GSK3B: variants seen among roughly 807,000 people sequenced by gnomAD.
GSK3B encodes the protein glycogen synthase kinase 3 beta.
In GSK3B, 15 loss-of-function variants were observed where a neutral mutation model predicts 56.4. The ratio of observed to expected loss-of-function variants is 0.27; its 90% confidence interval spans 0.18 to 0.41. The LOEUF is 0.41. Ranked by LOEUF, GSK3B falls within the 10% of genes least tolerant of loss-of-function variation. The probability of loss-of-function intolerance (pLI) is 1.00; values close to 1 mark genes in which losing one functional copy is unlikely to be tolerated. For synonymous variants in GSK3B, 181 were observed against 188.9 expected, an observed-to-expected ratio of 0.96 and a Z score of 0.34; for missense variants, 300 against 513.4, an observed-to-expected ratio of 0.58 and a Z score of 4.02.
intron 3 of GSK3B, among the ~76,000 whole-genome samples, chr3:119,924,954 GTC>G (rs2056876499): frequency 6.6e-6 from 1 of 152,170 alleles, no homozygotes; most frequent in South Asian, 2.1e-4. Flanking sequence ...CCCAGTCCAT[GTC>G]TACGACCAAA....
intron 3 of GSK3B, among the ~76,000 whole-genome samples, chr3:119,927,422 T>A (rs1377439239): frequency 6.6e-6 from 1 of 152,082 alleles, no homozygotes; most frequent in Non-Finnish European, 1.5e-5. Flanking sequence ...GGACTTTTTT[T>A]AAAGCAGCGG....
chr3:120,079,349 C>CAT (rs2058396786), intron 1 of GSK3B, among the ~76,000 whole-genome samples: 2 of 97,782 alleles, frequency 2.0e-5, no homozygotes, highest in South Asian at 7.6e-4. Context: ...CACACACACA[C>CAT]ATTTTTTTTT....
intron 1 of GSK3B, among the ~76,000 whole-genome samples, chr3:120,049,007 T>C (rs1317325078): frequency 2.0e-5 from 3 of 152,228 alleles, no homozygotes; most frequent in Admixed American, 6.5e-5. Flanking sequence ...GAAAAGTTAG[T>C]AGCTAAGGCA....
In GSK3B at chr3:119,823,646, C is replaced by T. The variant is rs551051319; in HGVS notation, c.*3142G>A. ...CCAGCTCTAGGGCTCCCTGGTGCTA[C>T]ACTAAGTCCCTGAATGGACTAAGTA... On this transcript the variant is annotated 3_prime_UTR_variant, in exon 11 of 11. Transcript: ENST00000264235. The T allele has an allele frequency of 5.6e-4, 103 of 183,062 alleles. 1 individual carries two copies. The South Asian group carries it at 0.02, about 35-fold the overall frequency. The allele number at this position is 183,062 out of a possible 1,614,324, so 11.3% of individuals were successfully genotyped here. A position where few individuals can be genotyped will look rare whatever the true frequency, so the allele number is the denominator to read the frequency against.
At chr3:119,860,783 T>C (rs1237950320) in intron 9 of GSK3B, among the ~76,000 whole-genome samples, 1 of 152,240 alleles carries the variant, frequency 6.6e-6, no homozygotes, top group Non-Finnish European at 1.5e-5. Context: ...TATGAATTAA[T>C]GAATATTATG....
At chr3:119,954,638 T>A (rs1015681122) in intron 2 of GSK3B, among the ~76,000 whole-genome samples, 2 of 152,192 alleles carry the variant, frequency 1.3e-5, no homozygotes, top group African/African-American at 4.8e-5. Context: ...ATAAGCATAA[T>A]ATCAGTATTT....
rs1288667056 is a variant in GSK3B at position 119,863,594 on chromosome 3, G to A, written c.921C>T (p.Pro307=). 6.2e-7 allele frequency: 1 copy of A among 1,608,606 alleles called. No homozygotes were observed. Among genetic ancestry groups the A allele is most frequent in the Non-Finnish European group, 8.5e-7 (1 of 1,175,496 alleles). Residue 307 remains proline, a synonymous_variant, in exon 9 of 11, where the codon CCC becomes CCT. Transcript: ENST00000264235. ...GTGCAATTGCCTCCGGTGGAGTTCG[G>A]GGTCGGAAGACCTGCAGTACAAAAA... is the stretch of plus-strand genomic sequence containing the variant. ...KAHPWTKVFR[P]RTPPEAIALC...
intron 8 of GSK3B, among the ~76,000 whole-genome samples, chr3:119,874,327 A>C (rs2056282614): frequency 6.6e-6 from 1 of 152,158 alleles, no homozygotes; most frequent in African/African-American, 2.4e-5. Flanking sequence ...CAGTGATAAA[A>C]GCTTACTTCA....
intron 1 of GSK3B, chr3:120,029,557 C>G: frequency 1.7e-6 from 1 of 605,232 alleles, no homozygotes; most frequent in East Asian, 3.6e-5. Flanking sequence ...CTTGGTGCAT[C>G]TGGCACCATC....
At chr3:119,972,014 G>A (rs1219976582) in intron 2 of GSK3B, among the ~76,000 whole-genome samples, 1 of 152,148 alleles carries the variant, frequency 6.6e-6, no homozygotes, top group Non-Finnish European at 1.5e-5. Flanking sequence ...CTCCAGAACT[G>A]TAAGAAATAA....
At chr3:119,895,328 T>C (rs2056550354) in intron 7 of GSK3B, among the ~76,000 whole-genome samples, 1 of 152,174 alleles carries the variant, frequency 6.6e-6, no homozygotes, top group African/African-American at 2.4e-5. Flanking sequence ...CTTCCGTTCA[T>C]CCACTGATAG....
chr3:119,861,910 T>C (rs930480801), intron 9 of GSK3B, among the ~76,000 whole-genome samples: 2 of 152,102 alleles, frequency 1.3e-5, no homozygotes, highest in Non-Finnish European at 2.9e-5. Flanking sequence ...TCACTGATAC[T>C]CACAGAATCA....
At chr3:119,964,081 G>A (rs1269078528) in intron 2 of GSK3B, among the ~76,000 whole-genome samples, 2 of 152,082 alleles carry the variant, frequency 1.3e-5, no homozygotes, top group East Asian at 3.8e-4. Flanking sequence ...CCTATGGAAT[G>A]GAAGAAAATA....
chr3:120,076,708 G>C (rs1192327734), intron 1 of GSK3B, among the ~76,000 whole-genome samples: 2 of 151,088 alleles, frequency 1.3e-5, no homozygotes, highest in African/African-American at 2.4e-5. Context: ...CAGCTACACG[G>C]GAGGCTGAGG....
At chr3:120,001,944 A>C (rs999141456) in intron 2 of GSK3B, 102 bp downstream of exon 2, 30 of 733,546 alleles carry the variant, frequency 4.1e-5, no homozygotes. Flanking sequence ...AAATGCGCAC[A>C]ATAGAAGAAA....
intron 2 of GSK3B, among the ~76,000 whole-genome samples, chr3:119,966,545 A>G (rs1199119827): frequency 6.6e-6 from 1 of 152,226 alleles, no homozygotes; most frequent in East Asian, 1.9e-4. Context: ...GATGGAAAAG[A>G]GGCACAGGCA....
At chr3:119,909,885 A>G (rs2056718812) in intron 6 of GSK3B, among the ~76,000 whole-genome samples, 1 of 152,186 alleles carries the variant, frequency 6.6e-6, no homozygotes, top group Admixed American at 6.6e-5. Flanking sequence ...TGATGATTAA[A>G]GCTAATGGTC....
intron 9 of GSK3B, among the ~76,000 whole-genome samples, chr3:119,847,498 A>G (rs9850502): frequency 9.9e-5 from 15 of 152,134 alleles, no homozygotes; most frequent in African/African-American, 3.6e-4. Flanking sequence ...AAACAAAACA[A>G]AACAAACCCT....
chr3:119,999,421 T>C (rs2107478373), intron 2 of GSK3B, among the ~76,000 whole-genome samples: 1 of 152,340 alleles, frequency 6.6e-6, no homozygotes, highest in Admixed American at 6.5e-5. Flanking sequence ...AATTTCTTTG[T>C]ACTTAGGTTT....
Sources: gnomAD v4.1 joint callset for allele counts (sites outside exome capture counted in the v4.1 genomes callset) on GRCh38, gnomAD v4.1.1 for gene constraint, MANE v1.5 for transcripts, NCBI Gene and HGNC (gene_info 2026-07-23, HGNC 2026-07-21) for gene names.